Variants in KCNT1 observed in about 807,000 individuals in gnomAD.
KCNT1 encodes the protein potassium channel subfamily T member 1.
KCNT1 carries 78 observed loss-of-function variants against 147.8 expected under a neutral mutation model. That is an observed-to-expected ratio of 0.53 (90% CI 0.44 to 0.64). The LOEUF (loss-of-function observed/expected upper bound fraction) is 0.64. Ranked by LOEUF, KCNT1 falls within the 30% of genes least tolerant of loss-of-function variation. The pLI, the probability that KCNT1 is intolerant of heterozygous loss-of-function variation, is 0.00. For synonymous variants in KCNT1, 867 were observed against 748.8 expected, an observed-to-expected ratio of 1.16 and a Z score of -2.58; for missense variants, 1,419 against 1,750.3, an observed-to-expected ratio of 0.81 and a Z score of 3.38.
intron 1 of KCNT1, among the ~76,000 whole-genome samples, chr9:135,706,809 G>C (rs1334940206): frequency 6.6e-6 from 1 of 152,176 alleles, no homozygotes; most frequent in Non-Finnish European, 1.5e-5. Flanking sequence ...CATTGAGGGA[G>C]GGGGCTGGGG....
At chr9:135,768,996 T>C (rs756212081) in intron 15 of KCNT1, 59 bp downstream of exon 15, 3 of 1,288,508 alleles carry the variant, frequency 2.3e-6, no homozygotes, top group Non-Finnish European at 3.3e-6. Flanking sequence ...TGTGCACACG[T>C]GGGTGATGGT....
chr9:135,758,732 C>T (rs1225193030), intron 10 of KCNT1, among the ~76,000 whole-genome samples: 3 of 152,224 alleles, frequency 2.0e-5, no homozygotes, highest in Non-Finnish European at 4.4e-5. Context: ...CCGACTCCTC[C>T]AAGGACAGAG....
chr9:135,784,227 C>T, intron 25 of KCNT1, 102 bp downstream of exon 25: 1 of 915,374 alleles, frequency 1.1e-6, no homozygotes, highest in Non-Finnish European at 1.8e-6. Context: ...AGGACTCCCT[C>T]TGAATGACCT....
In KCNT1 at chr9:135,772,704, C is replaced by A; in HGVS notation, c.2009-11C>A. 7.3e-7 allele frequency: 1 copy of A among 1,369,708 alleles called. No individual in the cohort carries two copies. 84.8% of individuals were successfully genotyped at this position (1,369,708 alleles called of 1,614,324 possible). On this transcript the variant is annotated splice_polypyrimidine_tract_variant and intron_variant, in intron 18 of 30. Coordinates refer to ENST00000371757, the MANE Select transcript of KCNT1 (RefSeq NM_020822.3). ...AGTCGGGCTGTGGCCAAGCACAGGGCTCTCTTCCAGGGACAGTGGCCATGG... is the reference window on the plus strand; with the variant it reads ...AGTCGGGCTGTGGCCAAGCACAGGGATCTCTTCCAGGGACAGTGGCCATGG...
chr9:135,755,599 GGACCCAGGCTCAGTGAGCACTGAGGACA>G (rs1244917138), intron 6 of KCNT1, among the ~76,000 whole-genome samples: 15 of 139,290 alleles, frequency 1.1e-4, no homozygotes, highest in Non-Finnish European at 4.6e-5. Context: ...AGTAGGCAGG[GGACCCAGGCTCAGTGAGCACTGAGGACA>G]GACCCAGGCT....
intron 2 of KCNT1, among the ~76,000 whole-genome samples, chr9:135,731,776 C>G (rs547716720): frequency 1.3e-5 from 2 of 151,454 alleles, no homozygotes; most frequent in Admixed American, 6.6e-5. Context: ...CACTTCACCC[C>G]CTTCGTAGTG....
chr9:135,782,213 C>T (rs755081719), intron 24 of KCNT1, among the ~76,000 whole-genome samples: 1 of 152,116 alleles, frequency 6.6e-6, no homozygotes, highest in Non-Finnish European at 1.5e-5. Flanking sequence ...CAAAAAAAAC[C>T]AAGCAAAAAA....
chr9:135,733,853 G>C (rs1055571734), intron 2 of KCNT1, among the ~76,000 whole-genome samples: 2 of 150,358 alleles, frequency 1.3e-5, no homozygotes, highest in East Asian at 4.1e-4. Context: ...AGAATGTCCA[G>C]AATGGGTGTC....
In KCNT1 at chr9:135,702,475, C is replaced by T; in HGVS notation, c.110+107C>T. 4 of 937,572 alleles carry T rather than the reference C, an allele frequency of 4.3e-6. No homozygotes were observed. In the South Asian group the frequency reaches 5.6e-5, roughly 13 times the overall value. The allele number at this position is 937,572 out of a possible 1,614,324, so 58.1% of individuals were successfully genotyped here. ...CCTCCAGGACCCGCCATTCCCAGGG[C>T]CATCCAACTTCCCCAGGACCCGCGA... is the stretch of plus-strand genomic sequence containing the variant. On this transcript the variant is annotated intron_variant, in intron 1 of 30. Coordinates refer to ENST00000371757, the MANE Select transcript of KCNT1 (RefSeq NM_020822.3).
rs1588317755 is a variant in KCNT1 at position 135,755,139 on chromosome 9, G to A, written c.510G>A (p.Val170=). ...TTCCCAGGGCTCCTATTCTGTGGGT[G>A]GAGAGAAAGATGACACTGTGGGCGA... is the stretch of plus-strand genomic sequence containing the variant. ...SEINWAPILW[V]ERKMTLWAIQ... is the part of the protein sequence containing the mutation. The change falls in exon 6 of 31, where the codon GTG becomes GTA. Residue 170 remains valine, a synonymous_variant. Coordinates refer to ENST00000371757, the MANE Select transcript of KCNT1 (RefSeq NM_020822.3). The A allele has an allele frequency of 6.2e-7, 1 of 1,612,274 alleles. No homozygotes were observed. Among genetic ancestry groups the A allele is most frequent in the East Asian group, 2.2e-5 (1 of 44,798 alleles).
In KCNT1 at chr9:135,795,451, ACAAAC is replaced by A. The variant is rs1834741184; in HGVS notation, c.*3291_*3295del. The A allele has an allele frequency of 6.6e-6, 1 of 151,782 alleles. No homozygotes were observed. The highest frequency in any genetic ancestry group is 1.5e-5 in the Non-Finnish European group (1 of 67,754). The allele number at this position is 151,782 out of a possible 1,614,324, so 9.4% of individuals were successfully genotyped here. ...AGAGAGAGACCCTGTCTCAAACAAAACAAACAAACAAAAAAGAAAAAGAAAATAAA... is the reference window on the plus strand; with the variant it reads ...AGAGAGAGACCCTGTCTCAAACAAAAAAACAAAAAAGAAAAAGAAAATAAA... On this transcript the variant is annotated 3_prime_UTR_variant, in exon 31 of 31. Transcript: ENST00000371757.
rs749129414 is a variant in KCNT1, at chr9:135,759,844, G to T, written c.1020G>T (p.Val340=). Residue 340 remains valine, a synonymous_variant, in exon 11 of 31, where the codon GTG becomes GTT. Coordinates refer to ENST00000371757, the MANE Select transcript of KCNT1 (RefSeq NM_020822.3). ...LVVIMICVAL[V]VLPLQFEELV... ...TCATCATGATCTGCGTGGCCCTCGT[G>T]GTGCTCCCACTGCAGGTGGGTCCTC... 1 of 1,607,080 alleles carries T rather than the reference G, an allele frequency of 6.2e-7. No homozygotes were observed. Among genetic ancestry groups the T allele is most frequent in the Non-Finnish European group, 8.5e-7 (1 of 1,176,350 alleles).
chr9:135,738,380 G>C (rs1405432750), intron 2 of KCNT1, among the ~76,000 whole-genome samples: 1 of 152,220 alleles, frequency 6.6e-6, no homozygotes. Context: ...CAGGGCTCGC[G>C]CTGAGATGAG....
At chr9:135,767,877 C>T (rs555838096) in intron 13 of KCNT1, among the ~76,000 whole-genome samples, 1 of 152,164 alleles carries the variant, frequency 6.6e-6, no homozygotes, top group South Asian at 2.1e-4. Flanking sequence ...TAGGAAGCAC[C>T]ATGGGCTCCC....
intron 4 of KCNT1, 101 bp from the exon 5 acceptor site, chr9:135,753,836 G>A: frequency 8.1e-7 from 1 of 1,240,396 alleles, no homozygotes; most frequent in South Asian, 1.2e-5. Flanking sequence ...GGGTGAGTAG[G>A]AGGCCCCCAT....
At chr9:135,778,037 C>T (rs915620591) in intron 21 of KCNT1, among the ~76,000 whole-genome samples, 4 of 152,150 alleles carry the variant, frequency 2.6e-5, no homozygotes, top group African/African-American at 9.7e-5. Flanking sequence ...CCTCTCTCCC[C>T]CTTTCCCCCT....
Position 135,751,238 on chromosome 9 carries a change from C to T in KCNT1, c.434+197C>T, listed in dbSNP as rs575925310. ...GCCCAGGCTCCCGCAGACGGCTCAGCGTAGGGAGAAGGGTCCCCATCGTAG... is the reference window on the plus strand; with the variant it reads ...GCCCAGGCTCCCGCAGACGGCTCAGTGTAGGGAGAAGGGTCCCCATCGTAG... On this transcript the variant is annotated intron_variant, in intron 4 of 30. Coordinates refer to ENST00000371757, the MANE Select transcript of KCNT1 (RefSeq NM_020822.3). Among the ~76,000 whole-genome samples, 3 of 152,130 alleles carry T rather than the reference C, an allele frequency of 2.0e-5. No individual in the cohort carries two copies. In the South Asian group the frequency reaches 6.2e-4, roughly 32 times the overall value.
chr9:135,731,828 C>T (rs1251115739), intron 2 of KCNT1, among the ~76,000 whole-genome samples: 1 of 151,504 alleles, frequency 6.6e-6, no homozygotes, highest in African/African-American at 2.4e-5. Flanking sequence ...ATCTTCTTTA[C>T]CCTCAGCTGA....
At chr9:135,707,002 A>G (rs1229720889) in intron 1 of KCNT1, among the ~76,000 whole-genome samples, 1 of 151,122 alleles carries the variant, frequency 6.6e-6, no homozygotes, top group Admixed American at 6.6e-5. Flanking sequence ...GACAGGCCCA[A>G]GGCCAGGCAC....
Sources: allele counts gnomAD v4.1 joint callset (sites outside exome capture counted in the v4.1 genomes callset), GRCh38; gene constraint gnomAD v4.1.1; transcripts MANE v1.5; gene names NCBI Gene and HGNC (gene_info 2026-07-23, HGNC 2026-07-21).